Variants in CLCN3 observed in about 807,000 individuals in gnomAD.
The protein encoded by CLCN3 is H(+)/Cl(-) exchange transporter 3.
CLCN3 carries 16 observed loss-of-function variants against 83.4 expected under a neutral mutation model. The observed-to-expected ratio is 0.19, with a 90% CI of 0.13 to 0.29. CLCN3 has a LOEUF of 0.29. CLCN3 is among the 10% of genes least tolerant of loss of function. The pLI, the probability that CLCN3 is intolerant of heterozygous loss-of-function variation, is 1.00. For synonymous variants in CLCN3, 322 were observed against 346.2 expected, an observed-to-expected ratio of 0.93 and a Z score of 0.78; for missense variants, 544 against 1,006.0, an observed-to-expected ratio of 0.54 and a Z score of 6.21.
intron 2 of CLCN3, among the ~76,000 whole-genome samples, chr4:169,655,802 G>A (rs1470162368): frequency 1.3e-5 from 2 of 152,092 alleles, no homozygotes; most frequent in African/African-American, 4.8e-5. Context: ...GCCATGCCTG[G>A]GCCAATTGTG....
chr4:169,681,734 CAG>C (rs1212583821), intron 3 of CLCN3, among the ~76,000 whole-genome samples: 13 of 152,046 alleles, frequency 8.6e-5, no homozygotes, highest in Admixed American at 7.9e-4. Flanking sequence ...TTAAAAATAA[CAG>C]TAACAAAACC....
chr4:169,719,944 C>A lies in CLCN3; in HGVS notation c.2404C>A (p.Arg802=). ...LGIITKKDIL[R]HMAQTANQDP... ...CATTATAACAAAAAAAGATATCCTC[C>A]GGCATATGGCCCAGACGGCAAACCA... The change falls in exon 13 of 13, where the codon CGG becomes AGG. Residue 802 remains arginine, a synonymous_variant. Coordinates refer to ENST00000513761, the MANE Select transcript of CLCN3 (RefSeq NM_001829.4). 6.2e-7 allele frequency: 1 copy of A among 1,613,768 alleles called. No homozygotes were observed. Among genetic ancestry groups the A allele is most frequent in the East Asian group, 2.2e-5 (1 of 44,870 alleles).
intron 11 of CLCN3, among the ~76,000 whole-genome samples, chr4:169,708,545 ATTGT>A (rs1179627794): frequency 6.6e-6 from 1 of 152,126 alleles, no homozygotes; most frequent in East Asian, 1.9e-4. Flanking sequence ...AAAGAATTTC[ATTGT>A]TTAAGATTCC....
intron 10 of CLCN3, among the ~76,000 whole-genome samples, chr4:169,705,696 A>G (rs925321278): frequency 2.0e-5 from 3 of 152,138 alleles, no homozygotes; most frequent in Non-Finnish European, 2.9e-5. Flanking sequence ...ATTTTTAGGT[A>G]AAAAAACAAA....
intron 2 of CLCN3, among the ~76,000 whole-genome samples, chr4:169,645,689 T>C (rs1730553729): frequency 1.3e-5 from 2 of 152,228 alleles, no homozygotes; most frequent in Non-Finnish European, 2.9e-5. Context: ...CAGGTCTTTA[T>C]ACATGGTCCT....
intron 6 of CLCN3, 88 bp from the exon 7 acceptor site, chr4:169,692,026 T>A: frequency 1.1e-6 from 1 of 916,850 alleles, no homozygotes; most frequent in Non-Finnish European, 1.7e-6. Context: ...AAGGTTGTTT[T>A]TGTGCATAAA....
chr4:169,657,644 T>C lies in CLCN3; in HGVS notation c.160+21556T>C, dbSNP rs74727233. ...TAGATACAGAGACATCCCAGAGAGG[T>C]TGTGATTTATCCAGATTTCCACATC... On this transcript the variant is annotated intron_variant, in intron 2 of 12. Transcript: ENST00000513761. 3.7e-3 allele frequency among the ~76,000 whole-genome samples: 560 copies of C among 152,200 alleles called. 2 individuals are homozygous for C. The highest frequency in any genetic ancestry group is 0.013 in the African/African-American group (540 of 41,514).
At chr4:169,686,066 C>T (rs903482169) in intron 3 of CLCN3, among the ~76,000 whole-genome samples, 7 of 151,978 alleles carry the variant, frequency 4.6e-5, no homozygotes, top group South Asian at 4.2e-4. Flanking sequence ...AGCAAACTGT[C>T]GCAAGGACAA....
chr4:169,694,306 T>G (rs1732484692), intron 7 of CLCN3, among the ~76,000 whole-genome samples: 1 of 152,204 alleles, frequency 6.6e-6, no homozygotes, highest in South Asian at 2.1e-4. Context: ...TTATCACGTT[T>G]CCATTTTAGA....
chr4:169,638,518 T>G (rs1730305928), intron 2 of CLCN3, among the ~76,000 whole-genome samples: 1 of 152,140 alleles, frequency 6.6e-6, no homozygotes, highest in African/African-American at 2.4e-5. Flanking sequence ...GACAAAATTA[T>G]AAACAAGAAA....
intron 2 of CLCN3, among the ~76,000 whole-genome samples, chr4:169,644,042 G>A (rs939164107): frequency 6.6e-6 from 1 of 152,178 alleles, no homozygotes; most frequent in Non-Finnish European, 1.5e-5. Context: ...CAAATATTCA[G>A]ATAAGTGCTT....
Position 169,721,789 on chromosome 4 carries a change from A to G in CLCN3, c.*1792A>G, listed in dbSNP as rs1733647158. ...GGCAGTTTACTCAAAGGACTGGGCT[A>G]AATATTCTGTAATTATGCATTTTTG... On this transcript the variant is annotated 3_prime_UTR_variant, in exon 13 of 13. Transcript: ENST00000513761. The G allele has an allele frequency of 6.6e-6, 1 of 152,202 alleles. No homozygotes were observed. Among genetic ancestry groups the G allele is most frequent in the Non-Finnish European group, 1.5e-5 (1 of 68,042 alleles). 9.4% of individuals were successfully genotyped at this position (152,202 alleles called of 1,614,324 possible).
At position 169,704,275 on chromosome 4, in the gene CLCN3, G is replaced by A. The variant is rs886426890; in HGVS notation, c.1750+91G>A. 46 of 1,245,084 alleles carry A rather than the reference G, an allele frequency of 3.7e-5. No homozygotes were observed. The East Asian group carries it at 6.3e-4, about 17-fold the overall frequency. The allele number at this position is 1,245,084 out of a possible 1,614,324, so 77.1% of individuals were successfully genotyped here. A position where few individuals can be genotyped will look rare whatever the true frequency, so the allele number is the denominator to read the frequency against. On this transcript the variant is annotated intron_variant, in intron 10 of 12. Coordinates refer to ENST00000513761, the MANE Select transcript of CLCN3 (RefSeq NM_001829.4). Reference sequence around the variant, plus strand: ...ACACATTCTTGCTTAATTGGTGGGCGGATTGGTTGAGTAAAGGAGGGTGCC... The same window carrying A: ...ACACATTCTTGCTTAATTGGTGGGCAGATTGGTTGAGTAAAGGAGGGTGCC...
Position 169,720,853 on chromosome 4 carries a change from CTTTT to C in CLCN3, c.*859_*862del, listed in dbSNP as rs1185315420. 6.6e-6 allele frequency: 1 copy of C among 152,590 alleles called. No homozygotes were observed. Among genetic ancestry groups the C allele is most frequent in the South Asian group, 2.1e-4 (1 of 4,828 alleles). 9.5% of individuals were successfully genotyped at this position (152,590 alleles called of 1,614,324 possible). A position where few individuals can be genotyped will look rare whatever the true frequency, so the allele number is the denominator to read the frequency against. On this transcript the variant is annotated 3_prime_UTR_variant, in exon 13 of 13. Transcript: ENST00000513761. ...GCTTGGTTTTAAAGGATAAAGTTTT[CTTTT>C]TTGTTTTCCTCTCAGACTTTATGGA...
rs116783528 is a variant in CLCN3 at position 169,684,050 on chromosome 4, A to G, written c.319-3608A>G. The stretch of plus-strand genomic sequence containing the variant: ...GAGCCACTGCGCCCGGCCTACATTA[A>G]ATTTTAAAGCCTTTCTATGTCAGTG... On this transcript the variant is annotated intron_variant, in intron 3 of 12. Transcript: ENST00000513761. Among the ~76,000 whole-genome samples the G allele has an allele frequency of 6.8e-3, 1,029 of 152,296 alleles. 5 individuals are homozygous for G. Among genetic ancestry groups the G allele is most frequent in the Non-Finnish European group, 0.011 (746 of 68,016 alleles).
chr4:169,697,772 G>C (rs772278487), intron 9 of CLCN3, 38 bp downstream of exon 9: 39 of 1,439,894 alleles, frequency 2.7e-5, no homozygotes, highest in Non-Finnish European at 3.7e-5. Context: ...GGTAATTTTG[G>C]CATGTTCAAA....
At chr4:169,631,605 A>T (rs898352433) in intron 1 of CLCN3, among the ~76,000 whole-genome samples, 35 of 152,202 alleles carry the variant, frequency 2.3e-4, no homozygotes, top group African/African-American at 7.7e-4. Context: ...CCCACTTTTT[A>T]ATAATGTTGT....
intron 3 of CLCN3, among the ~76,000 whole-genome samples, chr4:169,686,813 G>A (rs1732178087): frequency 6.6e-6 from 1 of 152,198 alleles, no homozygotes; most frequent in African/African-American, 2.4e-5. Context: ...AGTAAGAGAG[G>A]TGAGACTTAC....
rs149730558 is a variant in CLCN3, at chr4:169,641,550, A to G, written c.160+5462A>G. ...TATTACAAGAGATTCCAGTATTTTC[A>G]TTCAAATATCTATTGTTAGATTGAG... On this transcript the variant is annotated intron_variant, in intron 2 of 12. Coordinates refer to ENST00000513761, the MANE Select transcript of CLCN3 (RefSeq NM_001829.4). Among the ~76,000 whole-genome samples, 200 of 152,342 alleles carry G rather than the reference A, an allele frequency of 1.3e-3. 3 individuals are homozygous for G. In the East Asian group the frequency reaches 0.034, roughly 26 times the overall value.
Sources: allele counts gnomAD v4.1 joint callset (sites outside exome capture counted in the v4.1 genomes callset), GRCh38; gene constraint gnomAD v4.1.1; transcripts MANE v1.5; gene names NCBI Gene and HGNC (gene_info 2026-07-23, HGNC 2026-07-21).